The following SOS1 variants were observed in gnomAD, a reference collection of about 807,000 sequenced individuals.
SOS1 encodes the protein SOS Ras/Rac guanine nucleotide exchange factor 1.
A neutral mutation model predicts 157.6 loss-of-function variants in SOS1; 25 were observed. The observed-to-expected ratio is 0.16, with a 90% CI of 0.12 to 0.22. SOS1 has a LOEUF of 0.22. Among genes scored for constraint, SOS1 ranks in the 10% least tolerant of loss-of-function variants. The probability of loss-of-function intolerance (pLI) is 1.00; values close to 1 mark genes in which losing one functional copy is unlikely to be tolerated. For missense variants in SOS1, 1,237 were observed against 1,599.1 expected (o/e 0.77, Z 3.86); for synonymous variants, 528 against 534.0 (o/e 0.99, Z 0.16).
intron 6 of SOS1, among the ~76,000 whole-genome samples, chr2:39,045,070 T>C (rs1203146254): frequency 6.6e-6 from 1 of 152,228 alleles, no homozygotes; most frequent in Admixed American, 6.5e-5. Flanking sequence ...GTTTAGGGTA[T>C]TGTAATGTAC....
At chr2:39,046,597 C>T (rs1282845375) in intron 6 of SOS1, among the ~76,000 whole-genome samples, 4 of 149,842 alleles carry the variant, frequency 2.7e-5, no homozygotes, top group Non-Finnish European at 5.9e-5. Flanking sequence ...CTCCGCCTCC[C>T]GGGTTCACGC....
chr2:39,077,832 T>C (rs1672068486), intron 1 of SOS1, among the ~76,000 whole-genome samples: 1 of 152,166 alleles, frequency 6.6e-6, no homozygotes, highest in African/African-American at 2.4e-5. Flanking sequence ...ATAACGGTGA[T>C]AAGCAAAAGA....
At position 38,995,368 on chromosome 2, in the gene SOS1, G is replaced by T; in HGVS notation, c.3101C>A (p.Pro1034His). ...TGGACGAACACCAGGAGATTTTAGGGGATAGCTATATTTTTTTGGCTGTAG... is the reference window on the plus strand; with the variant it reads ...TGGACGAACACCAGGAGATTTTAGGTGATAGCTATATTTTTTTGGCTGTAG... ...LPRFPKKYSY[P>H]LKSPGVRPSN... is the part of the protein sequence containing the mutation. The change falls in exon 20 of 23, where the codon CCC becomes CAC. Residue 1034 changes from proline (P) to histidine (H), a missense_variant. Coordinates refer to ENST00000402219, the MANE Select transcript of SOS1 (RefSeq NM_005633.4). 1.2e-6 allele frequency: 2 copies of T among 1,613,246 alleles called. No homozygotes were observed. Among genetic ancestry groups the T allele is most frequent in the East Asian group, 2.2e-5 (1 of 44,872 alleles).
At chr2:39,083,782 C>G (rs1572880147) in intron 1 of SOS1, among the ~76,000 whole-genome samples, 2 of 151,976 alleles carry the variant, frequency 1.3e-5, no homozygotes. Flanking sequence ...TGCATGGTGG[C>G]AAAAAACAAA....
chr2:39,078,875 C>T (rs1348705596), intron 1 of SOS1, among the ~76,000 whole-genome samples: 1 of 152,036 alleles, frequency 6.6e-6, no homozygotes, highest in East Asian at 1.9e-4. Flanking sequence ...TCCTGGCCAA[C>T]ATGGTGAAAC....
chr2:39,017,344 C>G (rs550470139), intron 10 of SOS1, among the ~76,000 whole-genome samples: 1 of 152,106 alleles, frequency 6.6e-6, no homozygotes, highest in South Asian at 2.1e-4. Flanking sequence ...ATGATTAACT[C>G]AGAATGTACC....
intron 1 of SOS1, among the ~76,000 whole-genome samples, chr2:39,075,430 G>A (rs2148156816): frequency 6.6e-6 from 1 of 152,134 alleles, no homozygotes; most frequent in East Asian, 1.9e-4. Context: ...TTTATCAAGT[G>A]GCTCCTAAAT....
chr2:39,026,583 A>G (rs1227060123), intron 8 of SOS1, among the ~76,000 whole-genome samples: 1 of 152,182 alleles, frequency 6.6e-6, no homozygotes, highest in Non-Finnish European at 1.5e-5. Context: ...CTTAACAGAT[A>G]TTACTAGTAG....
At chr2:39,050,121 G>A (rs1317321642) in intron 6 of SOS1, among the ~76,000 whole-genome samples, 2 of 152,062 alleles carry the variant, frequency 1.3e-5, no homozygotes. Flanking sequence ...GGTGATGCTT[G>A]AACTTACCAT....
In SOS1 at chr2:38,982,771, G is replaced by T. The variant is rs772517525; in HGVS notation, c.*3053C>A. ...AAATACAAGATTAAGCTAAACTTGA[G>T]AATTAAGATCATGACCATAAATACC... On this transcript the variant is annotated 3_prime_UTR_variant, in exon 23 of 23. Transcript: ENST00000402219. 6.6e-6 allele frequency: 1 copy of T among 152,080 alleles called. No homozygotes were observed. Among genetic ancestry groups the T allele is most frequent in the Non-Finnish European group, 1.5e-5 (1 of 67,982 alleles). 9.4% of individuals were successfully genotyped at this position (152,080 alleles called of 1,614,324 possible).
chr2:39,009,387 T>G (rs1669388847), intron 15 of SOS1, among the ~76,000 whole-genome samples: 1 of 152,158 alleles, frequency 6.6e-6, no homozygotes, highest in South Asian at 2.1e-4. Context: ...CTAAAGGAAG[T>G]TCTTCAGGCT....
At chr2:39,046,241 T>G (rs1008541806) in intron 6 of SOS1, among the ~76,000 whole-genome samples, 7 of 152,104 alleles carry the variant, frequency 4.6e-5, no homozygotes, top group African/African-American at 1.7e-4. Context: ...AGGTAGTATT[T>G]CTGTTCTTTT....
intron 1 of SOS1, among the ~76,000 whole-genome samples, chr2:39,094,272 T>C (rs913273032): frequency 1.3e-5 from 2 of 152,214 alleles, no homozygotes; most frequent in Non-Finnish European, 2.9e-5. Flanking sequence ...TCAGTAATTA[T>C]TGAAATTTTT....
In SOS1 at chr2:39,023,106, C is replaced by T. The variant is rs727504295; in HGVS notation, c.1322G>A (p.Cys441Tyr). 1.2e-6 allele frequency: 2 copies of T among 1,613,516 alleles called. No homozygotes were observed. Among genetic ancestry groups the T allele is most frequent in the Admixed American group, 1.7e-5 (1 of 60,004 alleles). Residue 441 changes from cysteine to tyrosine, a missense_variant, in exon 10 of 23, where the codon TGT (cysteine) becomes TAT (tyrosine). By Grantham distance (194) the Cys-to-Tyr change is radical (BLOSUM62 -2). Transcript: ENST00000402219. ...GWEGKDIGQC[C>Y]NEFIMEGTLT... ...AGTTCCTTCCATTATAAATTCATTA[C>T]AACACTGTCCAATGTCTTTTCCCTC...
chr2:38,999,271 G>C (rs1415130801), intron 17 of SOS1, among the ~76,000 whole-genome samples: 2 of 152,202 alleles, frequency 1.3e-5, no homozygotes, highest in Non-Finnish European at 2.9e-5. Flanking sequence ...AGTATGGCTA[G>C]ACCATAGGGG....
intron 1 of SOS1, among the ~76,000 whole-genome samples, chr2:39,077,455 CATT>C (rs1176247354): frequency 2.0e-5 from 3 of 152,056 alleles, no homozygotes; most frequent in Admixed American, 1.3e-4. Context: ...ATACTCTAAA[CATT>C]ATAATTCCTA....
At chr2:39,078,228 A>G (rs1672081786) in intron 1 of SOS1, among the ~76,000 whole-genome samples, 1 of 152,210 alleles carries the variant, frequency 6.6e-6, no homozygotes, top group Admixed American at 6.5e-5. Flanking sequence ...GTATTCAAGT[A>G]AATACAAATA....
At chr2:39,104,481 G>C (rs1431537899) in intron 1 of SOS1, among the ~76,000 whole-genome samples, 1 of 152,184 alleles carries the variant, frequency 6.6e-6, no homozygotes, top group Non-Finnish European at 1.5e-5. Context: ...AGGAGGTAGA[G>C]AAATTGACAT....
chr2:38,998,452 T>C (rs1668975456), intron 17 of SOS1, among the ~76,000 whole-genome samples: 1 of 152,256 alleles, frequency 6.6e-6, no homozygotes, highest in South Asian at 2.1e-4. Context: ...GGTTTCACCA[T>C]GTTGGCCAGG....
Sources: allele counts gnomAD v4.1 joint callset (sites outside exome capture counted in the v4.1 genomes callset), GRCh38; gene constraint gnomAD v4.1.1; transcripts MANE v1.5; gene names NCBI Gene and HGNC (gene_info 2026-07-23, HGNC 2026-07-21).